TTF2: variants seen among roughly 807,000 people sequenced by gnomAD.
The protein encoded by TTF2 is RNA polymerase II termination factor.
TTF2 carries 108 observed loss-of-function variants against 142.4 expected under a neutral mutation model. That is an observed-to-expected ratio of 0.76 (90% confidence interval 0.65 to 0.89). TTF2 has a LOEUF of 0.89. TTF2 is among the 40% of genes least tolerant of loss of function. The probability of loss-of-function intolerance (pLI) is 0.00; values close to 1 mark genes in which losing one functional copy is unlikely to be tolerated. For missense variants in TTF2, 1,327 were observed against 1,379.8 expected, an observed-to-expected ratio of 0.96 and a Z score of 0.61; for synonymous variants, 483 against 506.2, an observed-to-expected ratio of 0.95 and a Z score of 0.61.
chr1:117,076,459 C>T lies in TTF2; in HGVS notation c.1390+165C>T, dbSNP rs1389983186. Reference sequence around the variant, plus strand: ...ACCTATGGTTCATAAAAAACTTTCTCCTGTTTCCTGTGGACTCTACTTTCT... The same window carrying T: ...ACCTATGGTTCATAAAAAACTTTCTTCTGTTTCCTGTGGACTCTACTTTCT... On this transcript the variant is annotated intron_variant, in intron 6 of 22. Transcript: ENST00000369466. The surrounding 1 kb of genome is among the most constrained non-coding windows in gnomAD (Gnocchi z 4.6). The T allele has an allele frequency of 1.7e-5, 16 of 932,460 alleles. No homozygotes were observed. The highest frequency in any genetic ancestry group is 2.6e-5 in the East Asian group (1 of 37,758). 57.8% of individuals were successfully genotyped at this position (932,460 alleles called of 1,614,324 possible). A position where few individuals can be genotyped will look rare whatever the true frequency, so the allele number is the denominator to read the frequency against.
In TTF2 at chr1:117,063,671, T is replaced by A. The variant is rs1190880691; in HGVS notation, c.218+1198T>A. 6.6e-6 allele frequency among the ~76,000 whole-genome samples: 1 copy of A among 152,232 alleles called. No homozygotes were observed. The highest frequency in any genetic ancestry group is 2.4e-5 in the African/African-American group (1 of 41,464). On this transcript the variant is annotated intron_variant, in intron 3 of 22. Transcript: ENST00000369466. The surrounding 1 kb of genome is among the most constrained non-coding windows in gnomAD (Gnocchi z 4.1). ...TCTCGACGTTATCTGTTTAAATATT[T>A]TATCCTTTTTTTTGCATTGAAATTT...
chr1:117,098,316 A>T (rs1649329502), intron 21 of TTF2: 1 of 152,208 alleles, frequency 6.6e-6, no homozygotes, highest in African/African-American at 2.4e-5. Flanking sequence ...TAATCGAATC[A>T]CAGAATATTC....
At position 117,100,116 on chromosome 1, in the gene TTF2, A is replaced by C. The variant is rs1649464734; in HGVS notation, c.3344+1209A>C. Among the ~76,000 whole-genome samples, 1 of 152,162 alleles carries C rather than the reference A, an allele frequency of 6.6e-6. No homozygotes were observed. The highest frequency in any genetic ancestry group is 2.1e-4 in the South Asian group (1 of 4,832). On this transcript the variant is annotated intron_variant, in intron 22 of 22. Transcript: ENST00000369466. The surrounding 1 kb of genome is among the most constrained non-coding windows in gnomAD (Gnocchi z 4.6). ...CATAAAACATACCTTTTGAGCACCCACTATGTAGCAAGTATAATTACATGT... is the reference window on the plus strand; with the variant it reads ...CATAAAACATACCTTTTGAGCACCCCCTATGTAGCAAGTATAATTACATGT...
intron 4 of TTF2, among the ~76,000 whole-genome samples, chr1:117,074,591 A>C (rs2101413487): frequency 6.6e-6 from 1 of 152,074 alleles, no homozygotes. Context: ...GGAACAGAAA[A>C]CCAAATATCA....
intron 3 of TTF2, among the ~76,000 whole-genome samples, chr1:117,072,615 G>A (rs1044098170): frequency 1.3e-5 from 2 of 151,796 alleles, no homozygotes; most frequent in Non-Finnish European, 2.9e-5. Context: ...AGTAGAGACG[G>A]GATTTCACCA....
At chr1:117,066,183 A>G (rs1007118713) in intron 3 of TTF2, among the ~76,000 whole-genome samples, 3 of 151,938 alleles carry the variant, frequency 2.0e-5, no homozygotes, top group Non-Finnish European at 4.4e-5. Context: ...ATAGATTTCA[A>G]TATCCGTGTT....
At position 117,103,676 on chromosome 1, in the gene TTF2, CG is replaced by C. The variant is rs1649751629; in HGVS notation, c.*2155del. ...GGTGTGTAACGTTGAAAAAATTGGC[CG>C]GGTGCAGTGGCTCAGGCCTGTCATC... On this transcript the variant is annotated 3_prime_UTR_variant, in exon 23 of 23. Coordinates refer to ENST00000369466, the MANE Select transcript of TTF2 (RefSeq NM_003594.4). 1 of 152,092 alleles carries C rather than the reference CG, an allele frequency of 6.6e-6. No homozygotes were observed. Among genetic ancestry groups the C allele is most frequent in the Non-Finnish European group, 1.5e-5 (1 of 68,046 alleles). 9.4% of individuals were successfully genotyped at this position (152,092 alleles called of 1,614,324 possible).
chr1:117,078,014 G>T lies in TTF2; in HGVS notation c.1672G>T (p.Val558Phe). The T allele has an allele frequency of 6.2e-7, 1 of 1,614,138 alleles. No homozygotes were observed. The highest frequency in any genetic ancestry group is 8.5e-7 in the Non-Finnish European group (1 of 1,180,000). ...RSLESCPGET[V>F]VAEDPAGLKV... is the part of the protein sequence containing the mutation. ...ACTTGAGTCATGTCCTGGTGAGACG[G>T]TTGTGGCAGAAGATCCCGCCGGGCT... The change falls in exon 8 of 23, where the codon GTT becomes TTT. Residue 558 changes from valine (V) to phenylalanine (F), a missense_variant. Val to Phe is a conservative substitution (Grantham distance 50). Transcript: ENST00000369466.
At chr1:117,068,430 A>G (rs1178549232) in intron 3 of TTF2, among the ~76,000 whole-genome samples, 1 of 151,944 alleles carries the variant, frequency 6.6e-6, no homozygotes, top group Non-Finnish European at 1.5e-5. Context: ...GCATTAGGAG[A>G]TATACTTAAT....
chr1:117,094,663 GT>G, intron 18 of TTF2: 1 of 486,022 alleles, frequency 2.1e-6, no homozygotes. Flanking sequence ...TATCTTCTCT[GT>G]TTTGGCCATG....
rs1376865725 is a variant in TTF2, at chr1:117,080,617, A to G, written c.1783+968A>G. On this transcript the variant is annotated intron_variant, in intron 9 of 22. Transcript: ENST00000369466. This position sits in a 1 kb window ranked among gnomAD's most constrained non-coding sequence, Gnocchi z 4.3. ...AGGTGTTCAATTTTCAGAAACCATG[A>G]TAGATGTCCACTATGGCTAGTAAGT... Among the ~76,000 whole-genome samples, 2 of 152,216 alleles carry G rather than the reference A, an allele frequency of 1.3e-5. No homozygotes were observed. The highest frequency in any genetic ancestry group is 2.9e-5 in the Non-Finnish European group (2 of 68,038).
intron 8 of TTF2, 129 bp downstream of exon 8, chr1:117,078,172 C>T: frequency 2.5e-6 from 3 of 1,210,344 alleles, no homozygotes; most frequent in Non-Finnish European, 3.4e-6. Context: ...TCCCTTGCAG[C>T]ATCCTCTCCT....
chr1:117,069,254 T>C (rs1656394021), intron 3 of TTF2, among the ~76,000 whole-genome samples: 1 of 152,198 alleles, frequency 6.6e-6, no homozygotes, highest in South Asian at 2.1e-4. Flanking sequence ...GAATAAGAGT[T>C]AGATGTACTG....
chr1:117,089,259 G>GCTATATATATAT (rs1553198311), intron 13 of TTF2, among the ~76,000 whole-genome samples: 4 of 52,082 alleles, frequency 7.7e-5, no homozygotes, highest in African/African-American at 2.1e-4. Flanking sequence ...GCAAATATAT[G>GCTATATATATAT]CTATATATAT....
At chr1:117,074,789 A>T in intron 4 of TTF2, 81 bp from the exon 5 acceptor site, 1 of 1,307,738 alleles carries the variant, frequency 7.6e-7, no homozygotes, top group East Asian at 2.6e-5. Context: ...ATAAAATAAA[A>T]GTTGAGATGA....
Position 117,092,223 on chromosome 1 carries a change from T to C in TTF2, c.2805+273T>C, listed in dbSNP as rs1648659988. On this transcript the variant is annotated intron_variant, in intron 17 of 22. Transcript: ENST00000369466. This position sits in a 1 kb window ranked among gnomAD's most constrained non-coding sequence, Gnocchi z 4.4. Reference sequence around the variant, plus strand: ...TTAACTGTTTAAGAAAAGAAAATGATATTTTGTTTAAAAAGAAGCCATTTG... The same window carrying C: ...TTAACTGTTTAAGAAAAGAAAATGACATTTTGTTTAAAAAGAAGCCATTTG... Among the ~76,000 whole-genome samples the C allele has an allele frequency of 6.6e-6, 1 of 152,204 alleles. No individual in the cohort carries two copies. Among genetic ancestry groups the C allele is most frequent in the Non-Finnish European group, 1.5e-5 (1 of 68,028 alleles).
In TTF2 at chr1:117,101,722, T is replaced by G. The variant is rs1649600067; in HGVS notation, c.*198T>G. On this transcript the variant is annotated 3_prime_UTR_variant, in exon 23 of 23. Transcript: ENST00000369466. The surrounding 1 kb of genome is among the most constrained non-coding windows in gnomAD (Gnocchi z 5.9). The stretch of plus-strand genomic sequence containing the variant: ...TGTGTTAACCAATTAGTTAACCAAT[T>G]ATGTTAATAATTTATTTAATGAGTG... The G allele has an allele frequency of 2.2e-6, 1 of 447,902 alleles. No homozygotes were observed. Among genetic ancestry groups the G allele is most frequent in the South Asian group, 8.2e-5 (1 of 12,212 alleles). 27.7% of individuals were successfully genotyped at this position (447,902 alleles called of 1,614,324 possible). A position where few individuals can be genotyped will look rare whatever the true frequency, so the allele number is the denominator to read the frequency against.
rs1018442251 is a variant in TTF2 at position 117,062,294 on chromosome 1, C to T, written c.132-93C>T. On this transcript the variant is annotated intron_variant, in intron 2 of 22. Transcript: ENST00000369466. Reference sequence around the variant, plus strand: ...ACCCAGTAGAGGTTATACATAGATTCTTGGTGTAAAAACCCATAGTTTTGA... The same window carrying T: ...ACCCAGTAGAGGTTATACATAGATTTTTGGTGTAAAAACCCATAGTTTTGA... 9.8e-6 allele frequency: 11 copies of T among 1,126,156 alleles called. No individual in the cohort carries two copies. The South Asian group carries it at 1.3e-4, about 13-fold the overall frequency. The allele number at this position is 1,126,156 out of a possible 1,614,324, so 69.8% of individuals were successfully genotyped here.
rs183065304 is a variant in TTF2, at chr1:117,067,448, C to T, written c.218+4975C>T. ...AGTAGGCAGGAGAATCACTTTGAGCCGGGGAAGCGGAGGTTGCAGTGAGCC... is the reference window on the plus strand; with the variant it reads ...AGTAGGCAGGAGAATCACTTTGAGCTGGGGAAGCGGAGGTTGCAGTGAGCC... On this transcript the variant is annotated intron_variant, in intron 3 of 22. Coordinates refer to ENST00000369466, the MANE Select transcript of TTF2 (RefSeq NM_003594.4). 2.5e-4 allele frequency among the ~76,000 whole-genome samples: 36 copies of T among 144,644 alleles called. No individual in the cohort carries two copies. The East Asian group carries it at 7.0e-3, about 28-fold the overall frequency. 94.9% of individuals were successfully genotyped at this position (144,644 alleles called of 152,430 possible). A position where few individuals can be genotyped will look rare whatever the true frequency, so the allele number is the denominator to read the frequency against.
Sources: allele counts gnomAD v4.1 joint callset (sites outside exome capture counted in the v4.1 genomes callset), GRCh38; gene constraint gnomAD v4.1.1; non-coding constraint Gnocchi (gnomAD v3.1); transcripts MANE v1.5; gene names NCBI Gene and HGNC (gene_info 2026-07-23, HGNC 2026-07-21).